The following ASB2 variants were observed in gnomAD, a reference collection of about 807,000 sequenced individuals.
ASB2 encodes ankyrin repeat and SOCS box protein 2.
Under a neutral mutation model 62.4 loss-of-function variants are expected in ASB2, and 58 were observed. That is an observed-to-expected ratio of 0.93 (90% confidence interval 0.75 to 1.16). The LOEUF (loss-of-function observed/expected upper bound fraction) is 1.16, where lower values mean the gene tolerates loss of function less well. Ranked by LOEUF, ASB2 falls within the 50% of genes most tolerant of loss-of-function variation. The probability of loss-of-function intolerance (pLI) is 0.00; values close to 1 mark genes in which losing one functional copy is unlikely to be tolerated. For missense variants in ASB2, 928 were observed against 887.9 expected (o/e 1.05, Z -0.57); for synonymous variants, 386 against 385.3 (o/e 1.00, Z -0.02).
Position 93,939,247 on chromosome 14 carries a change from T to C in ASB2, c.1478A>G (p.Lys493Arg). The C allele has an allele frequency of 6.2e-7, 1 of 1,609,770 alleles. No individual in the cohort carries two copies. Among genetic ancestry groups the C allele is most frequent in the Non-Finnish European group, 8.5e-7 (1 of 1,177,140 alleles). The change falls in exon 8 of 10, where the codon AAG becomes AGG. Residue 493 changes from lysine (K) to arginine (R), a missense_variant. Physicochemically the swap from Lys to Arg is conservative, Grantham distance 26 (BLOSUM62 2). Coordinates refer to ENST00000555019, the MANE Select transcript of ASB2 (RefSeq NM_001202429.2). Reference sequence around the variant, plus strand: ...GTCGCAGCCCAGGTCCATGAGGAACTTGAGCAGCGACAGGCACTTCATGGC... The same window carrying C: ...GTCGCAGCCCAGGTCCATGAGGAACCTGAGCAGCGACAGGCACTTCATGGC... ...MFAMKCLSLL[K>R]FLMDLGCDGE...
At chr14:93,947,995 GAAAAAA>G (rs55666799) in intron 6 of ASB2, among the ~76,000 whole-genome samples, 1 of 72,478 alleles carries the variant, frequency 1.4e-5, no homozygotes, top group Non-Finnish European at 2.4e-5. Flanking sequence ...ACTCCGCCTG[GAAAAAA>G]AAAAAAAAAA....
At chr14:93,938,950 C>A (rs966076408) in intron 8 of ASB2, among the ~76,000 whole-genome samples, 158 bp downstream of exon 8, 9 of 152,250 alleles carry the variant, frequency 5.9e-5, no homozygotes, top group Non-Finnish European at 1.3e-4. Context: ...TCTGCTGCCT[C>A]CAAAGCTGGC....
At chr14:93,956,721 C>A (rs147104529) in intron 3 of ASB2, 45 bp downstream of exon 3, 46 of 1,610,112 alleles carry the variant, frequency 2.9e-5, no homozygotes, top group Non-Finnish European at 3.8e-5. Flanking sequence ...TCCCAGTTAG[C>A]GGAGTGAACT....
intron 1 of ASB2, among the ~76,000 whole-genome samples, chr14:93,968,479 C>A (rs1052017483): frequency 6.6e-6 from 1 of 152,158 alleles, no homozygotes; most frequent in African/African-American, 2.4e-5. Context: ...GAAGCCTGAT[C>A]TTCCAACCTC....
intron 1 of ASB2, among the ~76,000 whole-genome samples, chr14:93,972,726 G>A (rs1331301601): frequency 1.3e-5 from 2 of 152,208 alleles, no homozygotes; most frequent in African/African-American, 2.4e-5. Flanking sequence ...AGGAAGGGGG[G>A]ATGGAATCCC....
chr14:93,969,414 C>T (rs1470687588), intron 1 of ASB2, among the ~76,000 whole-genome samples: 1 of 152,218 alleles, frequency 6.6e-6, no homozygotes, highest in Non-Finnish European at 1.5e-5. Flanking sequence ...GTAGTTTCTC[C>T]ATCTGTAAAA....
chr14:93,942,063 C>G (rs1267590581), intron 7 of ASB2: 1 of 428,900 alleles, frequency 2.3e-6, no homozygotes, highest in Non-Finnish European at 4.8e-6. Context: ...CCTCTCCTCC[C>G]AACTATGGGA....
rs745488451 is a variant in ASB2, at chr14:93,964,314, A to G, written c.206+20T>C. 3.3e-6 allele frequency: 5 copies of G among 1,535,726 alleles called. No individual in the cohort carries two copies. In the South Asian group the frequency reaches 4.8e-5, roughly 15 times the overall value. On this transcript the variant is annotated intron_variant, in intron 2 of 9. Transcript: ENST00000555019. ...TGTCCTGGATGGCCCCACTTCCCTCATCAGCCTCGCCTTGCTCACCTGGTC... is the reference window on the plus strand; with the variant it reads ...TGTCCTGGATGGCCCCACTTCCCTCGTCAGCCTCGCCTTGCTCACCTGGTC...
chr14:93,950,603 G>A (rs556989187), intron 6 of ASB2, among the ~76,000 whole-genome samples: 32 of 152,280 alleles, frequency 2.1e-4, no homozygotes, highest in Admixed American at 4.6e-4. Flanking sequence ...AAAGAGAAGC[G>A]GTTGGGGTGT....
Position 93,934,304 on chromosome 14 carries a change from A to C in ASB2, c.*352T>G. On this transcript the variant is annotated 3_prime_UTR_variant, in exon 10 of 10. Transcript: ENST00000555019. ...TGAAGTCAAGTGGTGAGTTTTCCAG[A>C]ACAAGTGGAGGGGCACAGGGAAGGC... is the stretch of plus-strand genomic sequence containing the variant. 1 of 465,374 alleles carries C rather than the reference A, an allele frequency of 2.1e-6. No individual in the cohort carries two copies. The highest frequency in any genetic ancestry group is 4.2e-6 in the Non-Finnish European group (1 of 236,514). The allele number at this position is 465,374 out of a possible 1,614,324, so 28.8% of individuals were successfully genotyped here.
At chr14:93,960,635 G>A (rs1273750189) in intron 2 of ASB2, among the ~76,000 whole-genome samples, 1 of 152,190 alleles carries the variant, frequency 6.6e-6, no homozygotes, top group African/African-American at 2.4e-5. Flanking sequence ...AGGAAGCTAG[G>A]TCTGTCCCTT....
chr14:93,944,320 C>G (rs945797728), intron 7 of ASB2, among the ~76,000 whole-genome samples: 1 of 152,222 alleles, frequency 6.6e-6, no homozygotes, highest in Non-Finnish European at 1.5e-5. Flanking sequence ...AAATGAACAA[C>G]AGGAAAATGC....
At chr14:93,944,810 T>C (rs1227922088) in intron 7 of ASB2, among the ~76,000 whole-genome samples, 2 of 152,182 alleles carry the variant, frequency 1.3e-5, no homozygotes, top group East Asian at 1.9e-4. Flanking sequence ...ACATCAGCCA[T>C]GGACACAGTG....
At chr14:93,951,341 A>G in intron 5 of ASB2, 97 bp from the exon 6 acceptor site, 3 of 1,411,096 alleles carry the variant, frequency 2.1e-6, no homozygotes, top group Non-Finnish European at 2.9e-6. Context: ...TCATCCACTC[A>G]TTCAGCTTTC....
rs771268442 is a variant in ASB2 at position 93,939,370 on chromosome 14, C to G, written c.1355G>C (p.Gly452Ala). Residue 452 changes from glycine (G) to alanine (A), a missense_variant, in exon 8 of 10, where the codon GGC (glycine) becomes GCC (alanine). Transcript: ENST00000555019. ...ISPLLVAIRHGCLRTMQLLLD... is the reference protein window; with the variant it reads ...ISPLLVAIRHACLRTMQLLLD... ...CAGCAGCTGCATTGTGCGCAGGCAGCCGTGGCGGATGGCCACGAGCAAGGG... is the reference window on the plus strand; with the variant it reads ...CAGCAGCTGCATTGTGCGCAGGCAGGCGTGGCGGATGGCCACGAGCAAGGG... 28 of 1,612,638 alleles carry G rather than the reference C, an allele frequency of 1.7e-5. No homozygotes were observed. The highest frequency in any genetic ancestry group is 2.4e-5 in the Non-Finnish European group (28 of 1,179,804).
intron 9 of ASB2, among the ~76,000 whole-genome samples, chr14:93,935,707 G>C (rs182099691): frequency 6.6e-6 from 1 of 152,200 alleles, no homozygotes; most frequent in Non-Finnish European, 1.5e-5. Context: ...GAGCAAGGGC[G>C]GAGGGCCAGG....
intron 8 of ASB2, among the ~76,000 whole-genome samples, chr14:93,938,233 CTTTT>C (rs35127276): frequency 1.6e-4 from 11 of 67,618 alleles, no homozygotes; most frequent in South Asian, 1.4e-3. Flanking sequence ...TAAGTTCTGA[CTTTT>C]TTTTTTTTTT....
chr14:93,936,483 C>A (rs957473264), intron 9 of ASB2, among the ~76,000 whole-genome samples: 7 of 152,174 alleles, frequency 4.6e-5, no homozygotes, highest in African/African-American at 1.7e-4. Flanking sequence ...GTGACAGCAA[C>A]TAATTATTCA....
In ASB2 at chr14:93,961,455, C is replaced by T. The variant is rs542315431; in HGVS notation, c.206+2879G>A. Reference sequence around the variant, plus strand: ...GTCAGACACAGCGCTTCACTGGAGGCGTAGGTTAATGGCAGAAGCAGAGAA... The same window carrying T: ...GTCAGACACAGCGCTTCACTGGAGGTGTAGGTTAATGGCAGAAGCAGAGAA... On this transcript the variant is annotated intron_variant, in intron 2 of 9. Transcript: ENST00000555019. Among the ~76,000 whole-genome samples the T allele has an allele frequency of 2.2e-3, 337 of 152,268 alleles. 3 individuals are homozygous for T. Among genetic ancestry groups the T allele is most frequent in the African/African-American group, 7.6e-3 (317 of 41,552 alleles).
Sources: allele counts gnomAD v4.1 joint callset (sites outside exome capture counted in the v4.1 genomes callset), GRCh38; gene constraint gnomAD v4.1.1; transcripts MANE v1.5; gene names NCBI Gene and HGNC (gene_info 2026-07-23, HGNC 2026-07-21).